Variants in TMEM68 observed in about 807,000 individuals in gnomAD.
TMEM68 encodes the protein DGAT1/2-independent enzyme synthesizing storage lipids.
In TMEM68, 25 loss-of-function variants were observed where a neutral mutation model predicts 36.9. The observed-to-expected ratio is 0.68, with a 90% CI of 0.49 to 0.95. The LOEUF is 0.95. Among genes scored for constraint, TMEM68 ranks in the 40% least tolerant of loss-of-function variants. TMEM68 has a pLI of 0.00. For missense variants in TMEM68, 333 were observed against 392.0 expected, an observed-to-expected ratio of 0.85 and a Z score of 1.27; for synonymous variants, 131 against 124.4, an observed-to-expected ratio of 1.05 and a Z score of -0.35.
chr8:55,754,723 A>T (rs1168150617), intron 4 of TMEM68, among the ~76,000 whole-genome samples: 1 of 128,186 alleles, frequency 7.8e-6, no homozygotes, highest in Non-Finnish European at 1.6e-5. Context: ...TATATTATAT[A>T]TAAAATACAT....
rs1810050457 is a variant in TMEM68, at chr8:55,740,022, T to A, written c.*110A>T. 8.8e-6 allele frequency: 7 copies of A among 793,858 alleles called. No individual in the cohort carries two copies. The South Asian group carries it at 1.5e-4, about 17-fold the overall frequency. 49.2% of individuals were successfully genotyped at this position (793,858 alleles called of 1,614,324 possible). ...CTGTGAAAGATGCTTATTAACATGA[T>A]TTTTTTAAAAAATACTAATTATAGG... On this transcript the variant is annotated 3_prime_UTR_variant, in exon 8 of 8. Coordinates refer to ENST00000434581, the MANE Select transcript of TMEM68 (RefSeq NM_001286657.2).
Position 55,756,429 on chromosome 8 carries a change from T to C in TMEM68, c.326-18A>G, listed in dbSNP as rs770458175. The C allele has an allele frequency of 6.5e-7, 1 of 1,547,060 alleles. No homozygotes were observed. Among genetic ancestry groups the C allele is most frequent in the Non-Finnish European group, 8.6e-7 (1 of 1,156,222 alleles). ...TTCATAACCTGTTTGAATGACAAAA[T>C]GCAAATACTTAAAATATATTCATTA... On this transcript the variant is annotated intron_variant, in intron 3 of 7. Coordinates refer to ENST00000434581, the MANE Select transcript of TMEM68 (RefSeq NM_001286657.2).
intron 1 of TMEM68, among the ~76,000 whole-genome samples, chr8:55,765,053 C>G (rs1585732555): frequency 6.6e-6 from 1 of 152,086 alleles, no homozygotes; most frequent in East Asian, 1.9e-4. Context: ...GCCTGGACAA[C>G]AAGAGTGAAA....
chr8:55,743,579 C>A lies in TMEM68; in HGVS notation c.790G>T (p.Ala264Ser), dbSNP rs1810170190. ...ACTGGAAAACCTCCATACATTGGAG[C>A]AAATGGATAGCGGAATTTTTCATAA... ...WLYEKFRYPF[A>S]PMYGGFPVKL... is the part of the protein sequence containing the mutation. Residue 264 changes from alanine to serine, a missense_variant, in exon 7 of 8, where the codon GCT (alanine) becomes TCT (serine). Coordinates refer to ENST00000434581, the MANE Select transcript of TMEM68 (RefSeq NM_001286657.2). 6.5e-7 allele frequency: 1 copy of A among 1,535,680 alleles called. No homozygotes were observed.
At chr8:55,768,335 A>C (rs1811039153) in intron 1 of TMEM68, among the ~76,000 whole-genome samples, 2 of 152,160 alleles carry the variant, frequency 1.3e-5, no homozygotes, top group Admixed American at 1.3e-4. Flanking sequence ...GCAAATATAA[A>C]AACTCACAAA....
Position 55,742,034 on chromosome 8 carries a change from T to C in TMEM68, c.888+1447A>G, listed in dbSNP as rs534871835. On this transcript the variant is annotated intron_variant, in intron 7 of 7. Coordinates refer to ENST00000434581, the MANE Select transcript of TMEM68 (RefSeq NM_001286657.2). ...CTGCACCACTGCACTGCAGCCAGGG[T>C]TACAGAGTAAGACTGTCTCAAAAAG... 1.1e-4 allele frequency among the ~76,000 whole-genome samples: 16 copies of C among 152,162 alleles called. No homozygotes were observed. In the East Asian group the frequency reaches 2.3e-3, roughly 22 times the overall value.
chr8:55,770,243 ATC>A (rs966020416), intron 1 of TMEM68, among the ~76,000 whole-genome samples: 9 of 152,312 alleles, frequency 5.9e-5, no homozygotes, highest in East Asian at 1.9e-4. Context: ...TCTTTGATAT[ATC>A]TCTCTTTTTC....
chr8:55,769,439 G>A (rs995890478), intron 1 of TMEM68, among the ~76,000 whole-genome samples: 1 of 151,740 alleles, frequency 6.6e-6, no homozygotes, highest in South Asian at 2.1e-4. Context: ...TTAGAGCTCT[G>A]TCCTTGACTA....
chr8:55,750,908 C>T (rs1054220286), intron 5 of TMEM68, 56 bp downstream of exon 5: 16 of 1,544,944 alleles, frequency 1.0e-5, no homozygotes, highest in Non-Finnish European at 1.2e-5. Context: ...ATTACTTAAC[C>T]ATTTATTTTA....
chr8:55,751,586 C>A (rs1029717305), intron 4 of TMEM68: 1 of 397,092 alleles, frequency 2.5e-6, no homozygotes, highest in Non-Finnish European at 4.9e-6. Context: ...GTGAATCAAA[C>A]TACGCTTAGC....
chr8:55,769,018 T>TAAAAAAA (rs200493179), intron 1 of TMEM68, among the ~76,000 whole-genome samples: 2 of 82,094 alleles, frequency 2.4e-5, no homozygotes, highest in African/African-American at 9.9e-5. Context: ...ACTCTGTCTT[T>TAAAAAAA]AAAAAAAAAA....
Position 55,757,626 on chromosome 8 carries a change from G to C in TMEM68, c.326-1215C>G, listed in dbSNP as rs112023726. On this transcript the variant is annotated intron_variant, in intron 3 of 7. Transcript: ENST00000434581. ...TCTAAGAAAAGGGTATATGCAAAAG[G>C]CATGTAATGCTGGGAGGGGCAGAAC... Among the ~76,000 whole-genome samples the C allele has an allele frequency of 5.8e-3, 888 of 152,220 alleles. 5 individuals carry two copies. Among genetic ancestry groups the C allele is most frequent in the African/African-American group, 0.02 (833 of 41,510 alleles).
intron 1 of TMEM68, among the ~76,000 whole-genome samples, chr8:55,765,892 A>C (rs1810948119): frequency 6.6e-6 from 1 of 152,310 alleles, no homozygotes; most frequent in South Asian, 2.1e-4. Flanking sequence ...GAAGATGATA[A>C]ATCATTCTAT....
intron 1 of TMEM68, among the ~76,000 whole-genome samples, chr8:55,766,292 A>G (rs1343968830): frequency 6.6e-6 from 1 of 151,988 alleles, no homozygotes; most frequent in Non-Finnish European, 1.5e-5. Flanking sequence ...AGGAGCAGCA[A>G]GGATGCCAGG....
At chr8:55,752,450 G>A (rs1810448941) in intron 4 of TMEM68, among the ~76,000 whole-genome samples, 1 of 151,774 alleles carries the variant, frequency 6.6e-6, no homozygotes, top group South Asian at 2.1e-4. Context: ...AGCCGGGCAT[G>A]GTGGCGCACG....
chr8:55,769,695 C>T (rs1325510370), intron 1 of TMEM68, among the ~76,000 whole-genome samples: 3 of 151,906 alleles, frequency 2.0e-5, no homozygotes, highest in Non-Finnish European at 2.9e-5. Context: ...TGCAGTGGCT[C>T]GATTTCAGCT....
chr8:55,749,066 A>T (rs1041127842), intron 5 of TMEM68, among the ~76,000 whole-genome samples: 1 of 152,234 alleles, frequency 6.6e-6, no homozygotes, highest in African/African-American at 2.4e-5. Context: ...ATAAAGTGAG[A>T]TAATTCATAT....
At chr8:55,765,148 A>G (rs897119201) in intron 1 of TMEM68, among the ~76,000 whole-genome samples, 3 of 152,178 alleles carry the variant, frequency 2.0e-5, no homozygotes, top group African/African-American at 7.2e-5. Context: ...CATAGCAACC[A>G]TCCATCAGAA....
Position 55,756,238 on chromosome 8 carries a change from G to T in TMEM68, c.493+6C>A. The T allele has an allele frequency of 6.3e-7, 1 of 1,594,108 alleles. No individual in the cohort carries two copies. ...TTTTACATTACTATCTACAGTGAAA[G>T]TTTACCTGGAATTTTAAAGACAAAG... On this transcript the variant is annotated splice_donor_region_variant and intron_variant, in intron 4 of 7. Transcript: ENST00000434581.
Sources: gnomAD v4.1 joint callset for allele counts (sites outside exome capture counted in the v4.1 genomes callset) on GRCh38, gnomAD v4.1.1 for gene constraint, MANE v1.5 for transcripts, NCBI Gene and HGNC (gene_info 2026-07-23, HGNC 2026-07-21) for gene names.